The following EEPD1 variants were observed in gnomAD, a reference collection of about 807,000 sequenced individuals.
EEPD1 encodes the protein endonuclease/exonuclease/phosphatase family domain containing 1.
Under a neutral mutation model 46.3 loss-of-function variants are expected in EEPD1, and 17 were observed. That is an observed-to-expected ratio of 0.37 (90% CI 0.25 to 0.55). The LOEUF is 0.55. Among genes scored for constraint, EEPD1 ranks in the 20% least tolerant of loss-of-function variants. EEPD1 has a pLI of 0.83. For missense variants in EEPD1, 673 were observed against 745.6 expected, an observed-to-expected ratio of 0.90 and a Z score of 1.13; for synonymous variants, 313 against 315.6, an observed-to-expected ratio of 0.99 and a Z score of 0.09.
At chr7:36,161,827 AAGGTTGTGG>A (rs1330619426) in intron 2 of EEPD1, among the ~76,000 whole-genome samples, 2 of 151,690 alleles carry the variant, frequency 1.3e-5, no homozygotes. Flanking sequence ...CCAGAAATTC[AAGGTTGTGG>A]TGAACTGTGA....
intron 2 of EEPD1, among the ~76,000 whole-genome samples, chr7:36,174,200 G>A (rs962640593): frequency 3.9e-5 from 6 of 152,122 alleles, no homozygotes; most frequent in Non-Finnish European, 5.9e-5. Context: ...TCTTGTTCCC[G>A]ATTACCCACG....
chr7:36,239,942 A>G (rs1221120636), intron 3 of EEPD1, among the ~76,000 whole-genome samples: 1 of 152,228 alleles, frequency 6.6e-6, no homozygotes, highest in Non-Finnish European at 1.5e-5. Context: ...GGTTAGAGAG[A>G]CAAGCACTTG....
intron 2 of EEPD1, among the ~76,000 whole-genome samples, chr7:36,195,273 G>A (rs4720198): frequency 0.19 from 28,628 of 152,204 alleles, 2,712 homozygotes; most frequent in African/African-American, 0.21. Flanking sequence ...GGAGACATGA[G>A]GCGACTCCTG....
intron 2 of EEPD1, among the ~76,000 whole-genome samples, chr7:36,205,493 G>A (rs917336127): frequency 6.6e-6 from 1 of 152,206 alleles, no homozygotes; most frequent in Non-Finnish European, 1.5e-5. Context: ...AGAGAAGGGA[G>A]TGGCCTGTAA....
chr7:36,170,520 A>G lies in EEPD1; in HGVS notation c.878+15318A>G, dbSNP rs189005220. Reference sequence around the variant, plus strand: ...TCTTCTCTTCATGGAACCCTGTATCAGTCATTGCAGGGACCTGCTTCTCTT... The same window carrying G: ...TCTTCTCTTCATGGAACCCTGTATCGGTCATTGCAGGGACCTGCTTCTCTT... On this transcript the variant is annotated intron_variant, in intron 2 of 7. Transcript: ENST00000242108. Among the ~76,000 whole-genome samples the G allele has an allele frequency of 2.7e-5, 4 of 150,836 alleles. No individual in the cohort carries two copies. The South Asian group carries it at 8.4e-4, about 32-fold the overall frequency.
intron 2 of EEPD1, among the ~76,000 whole-genome samples, chr7:36,184,627 A>G (rs1228768396): frequency 6.6e-6 from 1 of 152,218 alleles, no homozygotes; most frequent in Non-Finnish European, 1.5e-5. Context: ...TTCTTTCGTA[A>G]CTAGGCAGTA....
At chr7:36,176,228 G>A (rs1018944729) in intron 2 of EEPD1, among the ~76,000 whole-genome samples, 4 of 152,232 alleles carry the variant, frequency 2.6e-5, no homozygotes, top group African/African-American at 9.6e-5. Flanking sequence ...GATTCCTGAA[G>A]AGGATAAAGC....
At chr7:36,178,709 A>G (rs1049819335) in intron 2 of EEPD1, among the ~76,000 whole-genome samples, 4 of 152,122 alleles carry the variant, frequency 2.6e-5, no homozygotes, top group African/African-American at 9.7e-5. Context: ...GTGCACCATC[A>G]TGAGTCCCAT....
At chr7:36,276,912 G>A (rs1459742683) in intron 3 of EEPD1, among the ~76,000 whole-genome samples, 1 of 152,236 alleles carries the variant, frequency 6.6e-6, no homozygotes, top group Non-Finnish European at 1.5e-5. Context: ...AGGCCAGACT[G>A]GTCTGGGACA....
intron 2 of EEPD1, among the ~76,000 whole-genome samples, chr7:36,173,421 C>T (rs1265485559): frequency 1.3e-5 from 2 of 150,478 alleles, no homozygotes; most frequent in African/African-American, 2.5e-5. Context: ...ATCACTTGAA[C>T]CCAGGAGGTG....
chr7:36,261,637 T>TAA (rs1223394742), intron 3 of EEPD1, among the ~76,000 whole-genome samples: 3 of 152,364 alleles, frequency 2.0e-5, no homozygotes, highest in Non-Finnish European at 4.4e-5. Flanking sequence ...TAATGATTCA[T>TAA]TCATTCATTT....
chr7:36,284,669 CT>C lies in EEPD1; in HGVS notation c.1042-16del, dbSNP rs1787315222. The stretch of plus-strand genomic sequence containing the variant: ...TAGGGCTCTGGCACCAAGACTCTGT[CT>C]CCCTCTCCGCTGCAGGGAGCTGGGT... On this transcript the variant is annotated splice_polypyrimidine_tract_variant and intron_variant, in intron 4 of 7. Transcript: ENST00000242108. 1.2e-6 allele frequency: 2 copies of C among 1,608,182 alleles called. No individual in the cohort carries two copies. Among genetic ancestry groups the C allele is most frequent in the African/African-American group, 2.7e-5 (2 of 74,360 alleles).
At chr7:36,209,301 G>T (rs1260992243) in intron 2 of EEPD1, among the ~76,000 whole-genome samples, 1 of 152,082 alleles carries the variant, frequency 6.6e-6, no homozygotes, top group Admixed American at 6.5e-5. Context: ...GTCTAATTCT[G>T]CAAAAACAAA....
chr7:36,291,943 C>T (rs1370046619), intron 6 of EEPD1, among the ~76,000 whole-genome samples: 1 of 152,242 alleles, frequency 6.6e-6, no homozygotes, highest in Non-Finnish European at 1.5e-5. Context: ...GAAAATACTT[C>T]ATAACTATCC....
At chr7:36,202,412 T>TCGCTAGC (rs1302379890) in intron 2 of EEPD1, among the ~76,000 whole-genome samples, 1 of 152,064 alleles carries the variant, frequency 6.6e-6, no homozygotes, top group East Asian at 1.9e-4. Context: ...CTCATCCTGT[T>TCGCTAGC]CGCTAGCCGG....
chr7:36,260,147 C>A (rs1290741673), intron 3 of EEPD1, among the ~76,000 whole-genome samples: 1 of 152,162 alleles, frequency 6.6e-6, no homozygotes, highest in Non-Finnish European at 1.5e-5. Flanking sequence ...TTTATAATTA[C>A]TGATGCTGTT....
intron 2 of EEPD1, among the ~76,000 whole-genome samples, chr7:36,237,590 A>G (rs1432197902): frequency 6.6e-6 from 1 of 152,224 alleles, no homozygotes; most frequent in African/African-American, 2.4e-5. Context: ...GACCTTGTGC[A>G]AAAAAGAATT....
chr7:36,160,097 G>C (rs6973326), intron 2 of EEPD1, among the ~76,000 whole-genome samples: 1 of 152,162 alleles, frequency 6.6e-6, no homozygotes, highest in East Asian at 1.9e-4. Flanking sequence ...GAGTTTGATG[G>C]TGTTGATTTT....
At chr7:36,190,053 T>C (rs1027450100) in intron 2 of EEPD1, among the ~76,000 whole-genome samples, 8 of 152,056 alleles carry the variant, frequency 5.3e-5, no homozygotes, top group African/African-American at 1.9e-4. Flanking sequence ...AAGTTTCCTT[T>C]TGCATGGTGC....
Sources: gnomAD v4.1 joint callset for allele counts (sites outside exome capture counted in the v4.1 genomes callset) on GRCh38, gnomAD v4.1.1 for gene constraint, MANE v1.5 for transcripts, NCBI Gene and HGNC (gene_info 2026-07-23, HGNC 2026-07-21) for gene names.